STIP1: variants seen among roughly 807,000 people sequenced by gnomAD.
STIP1 encodes stress-induced-phosphoprotein 1.
Under a neutral mutation model 77.4 loss-of-function variants are expected in STIP1, and 16 were observed. That is an observed-to-expected ratio of 0.21 (90% confidence interval 0.14 to 0.31). The LOEUF is 0.31. Among genes scored for constraint, STIP1 ranks in the 10% least tolerant of loss-of-function variants. The probability of loss-of-function intolerance (pLI) is 1.00; values close to 1 mark genes in which losing one functional copy is unlikely to be tolerated. For missense variants in STIP1, 524 were observed against 684.8 expected (o/e 0.77, Z 2.62); for synonymous variants, 258 against 246.6 (o/e 1.05, Z -0.44).
At chr11:64,188,057 A>AG (rs1946046646) in intron 1 of STIP1, among the ~76,000 whole-genome samples, 1 of 146,044 alleles carries the variant, frequency 6.8e-6, no homozygotes, top group Non-Finnish European at 1.5e-5. Context: ...AAAAAAAAAA[A>AG]GGATCTCGGC....
At position 64,194,323 on chromosome 11, in the gene STIP1, G is replaced by A. The variant is rs148043163; in HGVS notation, c.354G>A (p.Arg118=). The A allele has an allele frequency of 6.7e-5, 108 of 1,613,800 alleles. 1 individual carries two copies. In the African/African-American group the frequency reaches 1.2e-3, roughly 18 times the overall value. ...LKEGLQNMEA[R]LAERKFMNPF... ...AGGGTTTACAGAATATGGAGGCCAG[G>A]TTGGCAGGTAGGTACCACGCACAGT... Residue 118 remains arginine, a synonymous_variant, in exon 3 of 14, where the codon AGG becomes AGA. Transcript: ENST00000305218.
chr11:64,188,037 CAAAA>C (rs34070761), intron 1 of STIP1, among the ~76,000 whole-genome samples: 3 of 72,182 alleles, frequency 4.2e-5, no homozygotes, highest in Non-Finnish European at 8.0e-5. Flanking sequence ...GACTCCGTCT[CAAAA>C]AAAAAAAAAA....
intron 13 of STIP1, 90 bp downstream of exon 13, chr11:64,203,712 C>A: frequency 6.6e-7 from 1 of 1,519,460 alleles, no homozygotes; most frequent in Non-Finnish European, 9.0e-7. Flanking sequence ...TATGCTCAGT[C>A]TGCGAGGAAG....
chr11:64,186,239 G>T lies in STIP1; in HGVS notation c.-23G>T. 6.4e-7 allele frequency: 1 copy of T among 1,550,648 alleles called. No individual in the cohort carries two copies. The highest frequency in any genetic ancestry group is 8.7e-7 in the Non-Finnish European group (1 of 1,146,960). ...GCGGAGCGGACGGATTCGATTCAAC[G>T]GGGTTCCGGACCGCGCTGCGCTATG... On this transcript the variant is annotated 5_prime_UTR_variant, in exon 1 of 14. Coordinates refer to ENST00000305218, the MANE Select transcript of STIP1 (RefSeq NM_006819.3).
At chr11:64,192,675 CCTT>C (rs1214977182) in intron 1 of STIP1, among the ~76,000 whole-genome samples, 1 of 152,208 alleles carries the variant, frequency 6.6e-6, no homozygotes, top group African/African-American at 2.4e-5. Flanking sequence ...ACTCCGCCCA[CCTT>C]CTTCCTGTGA....
At chr11:64,195,530 TG>T in intron 4 of STIP1, 114 bp from the exon 5 acceptor site, 1 of 1,049,392 alleles carries the variant, frequency 9.5e-7, no homozygotes, top group Non-Finnish European at 1.4e-6. Context: ...CATCTTTTGA[TG>T]GGTGAGGAGC....
upstream of STIP1, chr11:64,185,990 A>G (rs1439754071): frequency 6.5e-7 from 1 of 1,541,662 alleles, no homozygotes; most frequent in Non-Finnish European, 8.7e-7. Flanking sequence ...TTTATAGAGG[A>G]GCGCCCAATC....
chr11:64,191,518 A>G (rs896981461), intron 1 of STIP1, among the ~76,000 whole-genome samples: 1 of 152,106 alleles, frequency 6.6e-6, no homozygotes, highest in African/African-American at 2.4e-5. Context: ...AGGCAGGAGA[A>G]TCGCTTGAAC....
At position 64,204,272 on chromosome 11, in the gene STIP1, C is replaced by A; in HGVS notation, c.*146C>A. 1 of 782,546 alleles carries A rather than the reference C, an allele frequency of 1.3e-6. No individual in the cohort carries two copies. Among genetic ancestry groups the A allele is most frequent in the South Asian group, 1.8e-5 (1 of 56,554 alleles). The allele number at this position is 782,546 out of a possible 1,614,324, so 48.5% of individuals were successfully genotyped here. A position where few individuals can be genotyped will look rare whatever the true frequency, so the allele number is the denominator to read the frequency against. ...CATAACCCCGGGGAAGACACAGAGA[C>A]TCGTACCTGCGCTGTTTGTGCCGCC... is the stretch of plus-strand genomic sequence containing the variant. On this transcript the variant is annotated 3_prime_UTR_variant, in exon 14 of 14. Transcript: ENST00000305218.
At chr11:64,197,712 G>A (rs1946166583) in intron 7 of STIP1, 117 bp downstream of exon 7, 1 of 1,548,976 alleles carries the variant, frequency 6.5e-7, no homozygotes, top group African/African-American at 1.4e-5. Context: ...GTTAAGAAAG[G>A]GCTGGCAAGA....
intron 13 of STIP1, 26 bp from the exon 14 acceptor site, chr11:64,204,028 T>C: frequency 6.2e-7 from 1 of 1,613,336 alleles, no homozygotes; most frequent in East Asian, 2.2e-5. Context: ...TTGTCTCATT[T>C]CAAGTAACTG....
upstream of STIP1, chr11:64,185,707 T>G (rs1031245943): frequency 1.4e-5 from 19 of 1,392,030 alleles, no homozygotes; most frequent in African/African-American, 2.0e-4. Context: ...TACTCCCATA[T>G]ATCAGGGGCG....
chr11:64,201,904 C>G (rs1432706666), intron 10 of STIP1, among the ~76,000 whole-genome samples: 1 of 152,184 alleles, frequency 6.6e-6, no homozygotes, highest in African/African-American at 2.4e-5. Context: ...TGTTCTCTTC[C>G]TCATCATTTC....
At chr11:64,192,964 C>T (rs943599331) in intron 1 of STIP1, 114 bp from the exon 2 acceptor site, 3 of 996,104 alleles carry the variant, frequency 3.0e-6, no homozygotes, top group Admixed American at 2.2e-5. Context: ...CTCTTCTGAT[C>T]TGTAAAGTCA....
chr11:64,192,684 TG>T (rs1946105919), intron 1 of STIP1, among the ~76,000 whole-genome samples: 3 of 152,226 alleles, frequency 2.0e-5, no homozygotes, highest in Admixed American at 2.0e-4. Flanking sequence ...ACCTTCTTCC[TG>T]TGAGGGGTGA....
In STIP1 at chr11:64,194,359, A is replaced by C. The variant is rs370532888; in HGVS notation, c.361+29A>C. 32 of 1,611,700 alleles carry C rather than the reference A, an allele frequency of 2.0e-5. No homozygotes were observed. In the African/African-American group the frequency reaches 3.7e-4, roughly 19 times the overall value. ...GGTACCACGCACAGTTTTCTTTCTTATTATTAATGTGATTAATTTTGAGTC... is the reference window on the plus strand; with the variant it reads ...GGTACCACGCACAGTTTTCTTTCTTCTTATTAATGTGATTAATTTTGAGTC... On this transcript the variant is annotated intron_variant, in intron 3 of 13. Coordinates refer to ENST00000305218, the MANE Select transcript of STIP1 (RefSeq NM_006819.3).
chr11:64,189,293 G>A (rs1946064069), intron 1 of STIP1, among the ~76,000 whole-genome samples: 1 of 151,976 alleles, frequency 6.6e-6, no homozygotes, highest in Admixed American at 6.6e-5. Flanking sequence ...CCCGGGAGGC[G>A]GACCTTGAAG....
intron 13 of STIP1, 41 bp downstream of exon 13, chr11:64,203,663 A>G (rs1478154835): frequency 6.2e-7 from 1 of 1,613,404 alleles, no homozygotes; most frequent in African/African-American, 1.3e-5. Context: ...GAAATGGAGA[A>G]CAAAAGCAGG....
intron 1 of STIP1, among the ~76,000 whole-genome samples, chr11:64,189,353 C>T (rs577256341): frequency 7.2e-5 from 11 of 151,802 alleles, no homozygotes; most frequent in Admixed American, 2.6e-4. Context: ...AGCGAGACTC[C>T]GTCTCAAAAA....
Sources: allele counts gnomAD v4.1 joint callset (sites outside exome capture counted in the v4.1 genomes callset), GRCh38; gene constraint gnomAD v4.1.1; transcripts MANE v1.5; gene names NCBI Gene and HGNC (gene_info 2026-07-23, HGNC 2026-07-21).